Variants in FOXP2 observed in about 807,000 individuals in gnomAD.
FOXP2 encodes forkhead box P2.
A neutral mutation model predicts 115.8 loss-of-function variants in FOXP2; 12 were observed. The ratio of observed to expected loss-of-function variants is 0.10; its 90% confidence interval spans 0.07 to 0.17. The LOEUF (loss-of-function observed/expected upper bound fraction) is 0.17. Ranked by LOEUF, FOXP2 falls within the 10% of genes least tolerant of loss-of-function variation. The probability of loss-of-function intolerance (pLI) is 1.00; values close to 1 mark genes in which losing one functional copy is unlikely to be tolerated. For synonymous variants in FOXP2, 328 were observed against 297.7 expected (o/e 1.10, Z -1.05); for missense variants, 629 against 843.5 (o/e 0.75, Z 3.15).
chr7:114,391,450 G>A (rs1056805391), intron 2 of FOXP2, among the ~76,000 whole-genome samples: 2 of 152,170 alleles, frequency 1.3e-5, no homozygotes, highest in African/African-American at 2.4e-5. Context: ...AACTTAAGGA[G>A]CTTTGTGATT....
intron 2 of FOXP2, among the ~76,000 whole-genome samples, chr7:114,472,214 TA>T (rs779271592): frequency 1.6e-4 from 24 of 150,740 alleles, no homozygotes; most frequent in Non-Finnish European, 2.7e-4. Context: ...CTTTTAAAGT[TA>T]AAAAAAAAGA....
rs542395994 is a variant in FOXP2, at chr7:114,514,081, T to C, written c.169-20536T>C. On this transcript the variant is annotated intron_variant, in intron 2 of 16. Coordinates refer to ENST00000350908, the MANE Select transcript of FOXP2 (RefSeq NM_014491.4). ...TTTTAAAATTGATCTTAACATTGTATCTTATACACACACACACACACACAC... is the reference window on the plus strand; with the variant it reads ...TTTTAAAATTGATCTTAACATTGTACCTTATACACACACACACACACACAC... Among the ~76,000 whole-genome samples the C allele has an allele frequency of 2.3e-3, 236 of 104,884 alleles. 1 individual carries two copies. Among genetic ancestry groups the C allele is most frequent in the African/African-American group, 8.5e-3 (219 of 25,834 alleles). The allele number at this position is 104,884 out of a possible 152,430, so 68.8% of individuals were successfully genotyped here.
At chr7:114,204,999 T>A (rs1447692956) in intron 1 of FOXP2, among the ~76,000 whole-genome samples, 1 of 152,050 alleles carries the variant, frequency 6.6e-6, no homozygotes, top group Non-Finnish European at 1.5e-5. Flanking sequence ...TGCCGTAGAC[T>A]GCTGCAAGAT....
At chr7:114,349,085 T>G (rs914556453) in intron 2 of FOXP2, among the ~76,000 whole-genome samples, 3 of 152,124 alleles carry the variant, frequency 2.0e-5, no homozygotes, top group Non-Finnish European at 4.4e-5. Context: ...AGAGGCAGTT[T>G]CAGACATTGT....
chr7:114,629,095 A>C (rs1804751388), intron 4 of FOXP2: 1 of 189,540 alleles, frequency 5.3e-6, no homozygotes, highest in Non-Finnish European at 1.1e-5. Context: ...AAATGGAGAA[A>C]GTAACATCCC....
chr7:114,633,651 T>A (rs1255863933), intron 6 of FOXP2, among the ~76,000 whole-genome samples: 1 of 152,196 alleles, frequency 6.6e-6, no homozygotes, highest in Non-Finnish European at 1.5e-5. Flanking sequence ...TCTTGTTTTT[T>A]ACGATTTAGA....
intron 8 of FOXP2, among the ~76,000 whole-genome samples, chr7:114,646,190 A>G (rs1368284332): frequency 3.3e-5 from 5 of 151,912 alleles, no homozygotes; most frequent in Non-Finnish European, 7.4e-5. Context: ...TGTCATTGAA[A>G]TTATGTAAAG....
At chr7:114,550,343 C>G (rs972895626) in intron 3 of FOXP2, among the ~76,000 whole-genome samples, 11 of 152,050 alleles carry the variant, frequency 7.2e-5, no homozygotes, top group African/African-American at 2.4e-4. Context: ...GTCTCGATCC[C>G]TTGACCTCGT....
rs1056365729 is a variant in FOXP2, at chr7:114,361,408, A to G, written c.-10-65094A>G. ...TGTTGGGAGGTAGTTGCCATATTAAATTAGAGTTTAAATAGGCCAAGAAAG... is the reference window on the plus strand; with the variant it reads ...TGTTGGGAGGTAGTTGCCATATTAAGTTAGAGTTTAAATAGGCCAAGAAAG... On this transcript the variant is annotated intron_variant, in intron 2 of 17. Coordinates refer to the FOXP2 transcript ENST00000634411. 2.0e-5 allele frequency among the ~76,000 whole-genome samples: 3 copies of G among 152,200 alleles called. No individual in the cohort carries two copies. The East Asian group carries it at 5.8e-4, about 29-fold the overall frequency.
intron 2 of FOXP2, among the ~76,000 whole-genome samples, chr7:114,334,902 G>GTA (rs547349920): frequency 5.9e-5 from 8 of 136,066 alleles, no homozygotes; most frequent in South Asian, 2.4e-4. Flanking sequence ...GTGTGTGTGT[G>GTA]TATATATATA....
At chr7:114,593,286 A>G (rs1032910077) in intron 3 of FOXP2, among the ~76,000 whole-genome samples, 2 of 151,986 alleles carry the variant, frequency 1.3e-5, no homozygotes, top group African/African-American at 4.8e-5. Context: ...AATATAGCCC[A>G]GAAAAAAATT....
Position 114,372,999 on chromosome 7 carries a change from C to CT in FOXP2, c.-10-53492dup, listed in dbSNP as rs888495161. Among the ~76,000 whole-genome samples the CT allele has an allele frequency of 2.2e-3, 315 of 145,750 alleles. 3 individuals are homozygous for CT. The highest frequency in any genetic ancestry group is 7.0e-3 in the Middle Eastern group (2 of 284). ...GGCACGAAATCATAGAATAAAACTT[C>CT]TTTTTTTTTTTGAGTTGGAGTCTTG... On this transcript the variant is annotated intron_variant, in intron 2 of 17. Transcript: ENST00000634411.
chr7:114,642,600 A>T lies in FOXP2; in HGVS notation c.966A>T (p.Ser322=), dbSNP rs1294511656. The change falls in exon 7 of 17, where the codon TCA becomes TCT. Residue 322 remains serine, a synonymous_variant. Coordinates refer to ENST00000350908, the MANE Select transcript of FOXP2 (RefSeq NM_014491.4). ...ATTCCATAGTGAATGGACAGTCTTC[A>T]GTTCTAAGTGCAAGACGAGACAGGT... ...THHSIVNGQS[S]VLSARRDSSS... is the part of the protein sequence containing the mutation. 1.3e-5 allele frequency: 21 copies of T among 1,613,594 alleles called. No individual in the cohort carries two copies. Among genetic ancestry groups the T allele is most frequent in the African/African-American group, 4.0e-5 (3 of 74,820 alleles).
At chr7:114,130,347 G>T (rs892964417) in intron 1 of FOXP2, among the ~76,000 whole-genome samples, 2 of 152,046 alleles carry the variant, frequency 1.3e-5, no homozygotes, top group Admixed American at 6.6e-5. Flanking sequence ...ATACCAGAAA[G>T]ATTTTCTATT....
chr7:114,410,785 C>T (rs935807650), upstream of FOXP2, among the ~76,000 whole-genome samples: 1 of 151,870 alleles, frequency 6.6e-6, no homozygotes, highest in African/African-American at 2.4e-5. Flanking sequence ...GAACTTGCAT[C>T]TCTCAACTAT....
At chr7:114,219,952 C>T (rs1313303444) in intron 1 of FOXP2, among the ~76,000 whole-genome samples, 3 of 151,796 alleles carry the variant, frequency 2.0e-5, no homozygotes, top group South Asian at 2.1e-4. Flanking sequence ...CTACAACCTC[C>T]GCCTCCCGGG....
intron 1 of FOXP2, among the ~76,000 whole-genome samples, chr7:114,267,525 G>A (rs1265977917): frequency 1.3e-5 from 2 of 151,586 alleles, no homozygotes; most frequent in African/African-American, 2.4e-5. Flanking sequence ...TCAGGAGATC[G>A]AGACCATCCT....
rs559327002 is a variant in FOXP2, at chr7:114,250,410, C to T, written c.-101-37609C>T. On this transcript the variant is annotated intron_variant, in intron 1 of 17. Transcript: ENST00000634411. ...TGGTTGAACTAGTTTACAGTCCCAC[C>T]AGCAGTATAAAAGTATTCCTGTTTC... is the stretch of plus-strand genomic sequence containing the variant. Among the ~76,000 whole-genome samples the T allele has an allele frequency of 1.3e-3, 203 of 152,300 alleles. 1 individual carries two copies. The highest frequency in any genetic ancestry group is 4.7e-3 in the African/African-American group (195 of 41,568).
intron 3 of FOXP2, among the ~76,000 whole-genome samples, chr7:114,614,190 G>A (rs1039498749): frequency 6.6e-5 from 10 of 152,094 alleles, no homozygotes; most frequent in African/African-American, 2.4e-4. Context: ...ACTTCCATAA[G>A]CTAGCATCTA....
Sources: allele counts gnomAD v4.1 joint callset (sites outside exome capture counted in the v4.1 genomes callset), GRCh38; gene constraint gnomAD v4.1.1; transcripts MANE v1.5; gene names NCBI Gene and HGNC (gene_info 2026-07-23, HGNC 2026-07-21).